AMMECR1L: variants seen among roughly 807,000 people sequenced by gnomAD.
AMMECR1L encodes the protein AMMECR1 like.
In AMMECR1L, 4 loss-of-function variants were observed where a neutral mutation model predicts 36.8. That is an observed-to-expected ratio of 0.11 (90% CI 0.05 to 0.25). The LOEUF (loss-of-function observed/expected upper bound fraction) is 0.25, where lower values mean the gene tolerates loss of function less well. AMMECR1L is among the 10% of genes least tolerant of loss of function. The probability of loss-of-function intolerance (pLI) is 1.00; values close to 1 mark genes in which losing one functional copy is unlikely to be tolerated. For missense variants in AMMECR1L, 232 were observed against 392.1 expected, an observed-to-expected ratio of 0.59 and a Z score of 3.45; for synonymous variants, 147 against 148.0, an observed-to-expected ratio of 0.99 and a Z score of 0.05.
chr2:127,885,651 C>A (rs945472342), intron 1 of AMMECR1L, 159 bp downstream of exon 1: 7 of 984,292 alleles, frequency 7.1e-6, no homozygotes, highest in East Asian at 2.3e-4. Flanking sequence ...ACTCCTCCCC[C>A]CCGCTGCCCC....
Position 127,873,388 on chromosome 2 carries a change from G to A in AMMECR1L, c.407+440C>T. On this transcript the variant is annotated intron_variant, in intron 3 of 7. Coordinates refer to ENST00000272647, the MANE Select transcript of AMMECR1L (RefSeq NM_001199140.2). The surrounding 1 kb of genome is among the most constrained non-coding windows in gnomAD (Gnocchi z 5.2). ...AGGGATTTCTCATGAACAAAGTGAG[G>A]GGACCCCTGTTAACCAAATCGCAGA... 1.0e-6 allele frequency: 1 copy of A among 985,404 alleles called. No homozygotes were observed. The highest frequency in any genetic ancestry group is 4.7e-5 in the South Asian group (1 of 21,288). The allele number at this position is 985,404 out of a possible 1,614,324, so 61.0% of individuals were successfully genotyped here.
chr2:127,868,729 G>GTT (rs776262220), intron 6 of AMMECR1L, among the ~76,000 whole-genome samples: 9 of 144,730 alleles, frequency 6.2e-5, no homozygotes, highest in Non-Finnish European at 9.2e-5. Context: ...AGGCTACTGA[G>GTT]TTTTTTTTTT....
Position 127,869,353 on chromosome 2 carries a change from G to T in AMMECR1L, c.724+101C>A. On this transcript the variant is annotated intron_variant, in intron 6 of 7. Coordinates refer to ENST00000272647, the MANE Select transcript of AMMECR1L (RefSeq NM_001199140.2). This position sits in a 1 kb window ranked among gnomAD's most constrained non-coding sequence, Gnocchi z 4.7. ...AGAGGCAGAAAGGCCCTCATTCTCA[G>T]CTGCAGTTGGGCTGCAAGATGACAC... 1.8e-6 allele frequency: 2 copies of T among 1,117,542 alleles called. No homozygotes were observed. Among genetic ancestry groups the T allele is most frequent in the Non-Finnish European group, 2.7e-6 (2 of 739,732 alleles). 69.2% of individuals were successfully genotyped at this position (1,117,542 alleles called of 1,614,324 possible).
chr2:127,873,694 C>A lies in AMMECR1L; in HGVS notation c.407+134G>T. On this transcript the variant is annotated intron_variant, in intron 3 of 7. Transcript: ENST00000272647. This position sits in a 1 kb window ranked among gnomAD's most constrained non-coding sequence, Gnocchi z 5.2. Reference sequence around the variant, plus strand: ...TGTTTTAAATATTCTCTGGACATTTCTTATCATTCTCTTCCCATTACCCTT... The same window carrying A: ...TGTTTTAAATATTCTCTGGACATTTATTATCATTCTCTTCCCATTACCCTT... The A allele has an allele frequency of 1.3e-6, 2 of 1,558,908 alleles. No individual in the cohort carries two copies. The highest frequency in any genetic ancestry group is 8.6e-7 in the Non-Finnish European group (1 of 1,164,528).
At position 127,874,177 on chromosome 2, in the gene AMMECR1L, C is replaced by CACA. The variant is rs1257005537; in HGVS notation, c.55_57dup (p.Cys19dup). On this transcript the variant is annotated inframe_insertion, in exon 3 of 8. Transcript: ENST00000272647. This position sits in a 1 kb window ranked among gnomAD's most constrained non-coding sequence, Gnocchi z 5.2. ...CCAGATAATTTGGGCTTCTTGACCC[C>CACA]ACAACAGCCTGCTGCCAACTTGGGC... The CACA allele has an allele frequency of 6.2e-7, 1 of 1,614,178 alleles. No individual in the cohort carries two copies. The highest frequency in any genetic ancestry group is 1.1e-5 in the South Asian group (1 of 91,082).
At chr2:127,884,116 A>T (rs1254968665) in intron 2 of AMMECR1L, 87 bp downstream of exon 2, 1 of 152,236 alleles carries the variant, frequency 6.6e-6, no homozygotes, top group Non-Finnish European at 1.5e-5. Context: ...AAATGAAAAC[A>T]CACCTACATC....
intron 1 of AMMECR1L, 122 bp downstream of exon 1, chr2:127,885,688 T>C: frequency 1.0e-6 from 1 of 981,714 alleles, no homozygotes; most frequent in Non-Finnish European, 1.2e-6. Flanking sequence ...GACCGCGGGG[T>C]CTCTTCCCGG....
At position 127,864,027 on chromosome 2, in the gene AMMECR1L, C is replaced by T. The variant is rs1184347079; in HGVS notation, c.*1067G>A. The T allele has an allele frequency of 1.3e-5, 2 of 152,522 alleles. No individual in the cohort carries two copies. The highest frequency in any genetic ancestry group is 2.4e-5 in the African/African-American group (1 of 41,440). 9.4% of individuals were successfully genotyped at this position (152,522 alleles called of 1,614,324 possible). Reference sequence around the variant, plus strand: ...CTGTTTCCTAATGTCCTGTAAAGGACAGAAACACCAACAGTCTTCCCACCT... The same window carrying T: ...CTGTTTCCTAATGTCCTGTAAAGGATAGAAACACCAACAGTCTTCCCACCT... On this transcript the variant is annotated 3_prime_UTR_variant, in exon 8 of 8. Coordinates refer to ENST00000272647, the MANE Select transcript of AMMECR1L (RefSeq NM_001199140.2).
Position 127,884,252 on chromosome 2 carries a change from G to A in AMMECR1L, c.-88C>T, listed in dbSNP as rs1043272575. 4 of 152,258 alleles carry A rather than the reference G, an allele frequency of 2.6e-5. No homozygotes were observed. The highest frequency in any genetic ancestry group is 6.8e-3 in the Middle Eastern group (2 of 294). The allele number at this position is 152,258 out of a possible 1,614,324, so 9.4% of individuals were successfully genotyped here. A position where few individuals can be genotyped will look rare whatever the true frequency, so the allele number is the denominator to read the frequency against. Reference sequence around the variant, plus strand: ...AGAGGAACAGCTACAACAGAGGAGGGGAGCTATTTTGTCTCTGGAATGAAT... The same window carrying A: ...AGAGGAACAGCTACAACAGAGGAGGAGAGCTATTTTGTCTCTGGAATGAAT... On this transcript the variant is annotated 5_prime_UTR_variant, in exon 2 of 8. Transcript: ENST00000272647.
chr2:127,880,632 G>A (rs937949165), intron 2 of AMMECR1L, among the ~76,000 whole-genome samples: 24 of 152,112 alleles, frequency 1.6e-4, no homozygotes, highest in Non-Finnish European at 3.4e-4. Flanking sequence ...TGGGGACGCT[G>A]AGCACTGCCC....
At chr2:127,877,783 G>T (rs375429286) in intron 2 of AMMECR1L, among the ~76,000 whole-genome samples, 2 of 152,230 alleles carry the variant, frequency 1.3e-5, no homozygotes, top group East Asian at 3.8e-4. Flanking sequence ...TGGGCTGGGA[G>T]TGGTGACTCA....
chr2:127,876,142 AG>A (rs2104767255), intron 2 of AMMECR1L, among the ~76,000 whole-genome samples: 1 of 148,534 alleles, frequency 6.7e-6, no homozygotes, highest in East Asian at 2.0e-4. Context: ...TGAGCCGAGG[AG>A]TTTGAGACCA....
chr2:127,876,505 T>C lies in AMMECR1L; in HGVS notation c.-38-2233A>G, dbSNP rs1251134557. Reference sequence around the variant, plus strand: ...ATACTCAATATAATAAAACCTCCAATGACTACACTGTTTCTGACCATGGAT... The same window carrying C: ...ATACTCAATATAATAAAACCTCCAACGACTACACTGTTTCTGACCATGGAT... On this transcript the variant is annotated intron_variant, in intron 2 of 7. Transcript: ENST00000272647. Among the ~76,000 whole-genome samples, 6 of 152,206 alleles carry C rather than the reference T, an allele frequency of 3.9e-5. No homozygotes were observed. In the East Asian group the frequency reaches 1.2e-3, roughly 29 times the overall value.
intron 2 of AMMECR1L, among the ~76,000 whole-genome samples, chr2:127,880,775 C>T (rs1021512455): frequency 1.4e-5 from 2 of 141,964 alleles, no homozygotes; most frequent in Non-Finnish European, 1.5e-5. Flanking sequence ...ATACAGTATA[C>T]ACACACACAC....
In AMMECR1L at chr2:127,874,394, A is replaced by T. The variant is rs1691130765; in HGVS notation, c.-38-122T>A. 1 of 905,264 alleles carries T rather than the reference A, an allele frequency of 1.1e-6. No homozygotes were observed. Among genetic ancestry groups the T allele is most frequent in the African/African-American group, 1.7e-5 (1 of 59,210 alleles). 56.1% of individuals were successfully genotyped at this position (905,264 alleles called of 1,614,324 possible). On this transcript the variant is annotated intron_variant, in intron 2 of 7. Transcript: ENST00000272647. The surrounding 1 kb of genome is among the most constrained non-coding windows in gnomAD (Gnocchi z 5.2). ...GCTGTCAAATTCTTTCTCCCACTCA[A>T]CCTCCAGGTCACAGACCAGGAGAAG...
At chr2:127,867,029 G>T in intron 6 of AMMECR1L, 33 bp from the exon 7 acceptor site, 1 of 1,612,572 alleles carries the variant, frequency 6.2e-7, no homozygotes, top group Non-Finnish European at 8.5e-7. Context: ...TGAGGTCAAT[G>T]CACATGCAAG....
intron 6 of AMMECR1L, chr2:127,867,301 A>G: frequency 2.0e-6 from 2 of 985,476 alleles, no homozygotes; most frequent in Non-Finnish European, 2.4e-6. Context: ...CATGGTTCCA[A>G]CTTAGACCAG....
rs1056237167 is a variant in AMMECR1L at position 127,862,016 on chromosome 2, A to G, written c.*3078T>C. 1.3e-5 allele frequency: 2 copies of G among 152,652 alleles called. No individual in the cohort carries two copies. Among genetic ancestry groups the G allele is most frequent in the Non-Finnish European group, 2.9e-5 (2 of 68,044 alleles). The allele number at this position is 152,652 out of a possible 1,614,324, so 9.5% of individuals were successfully genotyped here. A position where few individuals can be genotyped will look rare whatever the true frequency, so the allele number is the denominator to read the frequency against. On this transcript the variant is annotated 3_prime_UTR_variant, in exon 8 of 8. Transcript: ENST00000272647. ...CTTTCATGTTGAAAGGGTCTCTAACATGAGTTGTTTTATTATTATGAAGCA... is the reference window on the plus strand; with the variant it reads ...CTTTCATGTTGAAAGGGTCTCTAACGTGAGTTGTTTTATTATTATGAAGCA...
intron 1 of AMMECR1L, among the ~76,000 whole-genome samples, 183 bp from the exon 2 acceptor site, chr2:127,884,495 T>C (rs1052242965): frequency 3.9e-5 from 6 of 152,114 alleles, no homozygotes; most frequent in Admixed American, 1.3e-4. Context: ...GAGGCAGCCG[T>C]GAAGTCCCAT....
Sources: allele counts gnomAD v4.1 joint callset (sites outside exome capture counted in the v4.1 genomes callset), GRCh38; gene constraint gnomAD v4.1.1; non-coding constraint Gnocchi (gnomAD v3.1); transcripts MANE v1.5; gene names NCBI Gene and HGNC (gene_info 2026-07-23, HGNC 2026-07-21).